NAXD: variants seen among roughly 807,000 people sequenced by gnomAD.
NAXD encodes the protein NAD(P)HX dehydratase.
In NAXD, 22 loss-of-function variants were observed where a neutral mutation model predicts 35.8. The observed-to-expected ratio is 0.62, with a 90% CI of 0.44 to 0.88. The LOEUF is 0.88. Among genes scored for constraint, NAXD ranks in the 40% least tolerant of loss-of-function variants. The pLI is 0.00. For synonymous variants in NAXD, 189 were observed against 177.6 expected, an observed-to-expected ratio of 1.06 and a Z score of -0.51; for missense variants, 428 against 437.7, an observed-to-expected ratio of 0.98 and a Z score of 0.20.
chr13:110,629,598 T>A (rs1380897792), intron 5 of NAXD, among the ~76,000 whole-genome samples: 2 of 151,984 alleles, frequency 1.3e-5, no homozygotes, highest in African/African-American at 4.8e-5. Context: ...GTTATGTCAC[T>A]CTGCATAATT....
chr13:110,632,259 C>T lies in NAXD; in HGVS notation c.442-2286C>T, dbSNP rs574016238. Among the ~76,000 whole-genome samples the T allele has an allele frequency of 7.2e-5, 11 of 152,016 alleles. No individual in the cohort carries two copies. The East Asian group carries it at 1.7e-3, about 24-fold the overall frequency. On this transcript the variant is annotated intron_variant, in intron 5 of 9. Coordinates refer to ENST00000680254, the MANE Select transcript of NAXD (RefSeq NM_001242882.2). ...AGTTGTTCGTTCCTCCCGGTGGGCT[C>T]GTGGTCTCGCTGGCTTCAGGAGTGA...
intron 1 of NAXD, among the ~76,000 whole-genome samples, chr13:110,621,168 C>T (rs950315702): frequency 1.3e-5 from 2 of 152,128 alleles, no homozygotes; most frequent in African/African-American, 4.8e-5. Context: ...TGTTGGAATA[C>T]AGTTGGGAGT....
Position 110,627,566 on chromosome 13 carries a change from CACTT to C in NAXD, c.441+20_441+23del. 1 of 1,528,648 alleles carries C rather than the reference CACTT, an allele frequency of 6.5e-7. No homozygotes were observed. The highest frequency in any genetic ancestry group is 2.3e-5 in the East Asian group (1 of 44,432). The allele number at this position is 1,528,648 out of a possible 1,614,324, so 94.7% of individuals were successfully genotyped here. A position where few individuals can be genotyped will look rare whatever the true frequency, so the allele number is the denominator to read the frequency against. ...TGTCCAGGTAATGTGTATACTCACT[CACTT>C]CCCTCATGACAGGCTTAGCCTTAGG... On this transcript the variant is annotated intron_variant, in intron 5 of 9. Coordinates refer to ENST00000680254, the MANE Select transcript of NAXD (RefSeq NM_001242882.2).
intron 5 of NAXD, among the ~76,000 whole-genome samples, chr13:110,632,569 A>G (rs938963843): frequency 1.3e-5 from 2 of 152,042 alleles, no homozygotes; most frequent in African/African-American, 4.8e-5. Flanking sequence ...CCACGTCCCC[A>G]TCAGATTAGT....
chr13:110,632,477 C>T (rs184925764), intron 5 of NAXD, among the ~76,000 whole-genome samples: 1 of 152,310 alleles, frequency 6.6e-6, no homozygotes, highest in Admixed American at 6.5e-5. Flanking sequence ...CCACATCCTG[C>T]TGATTGGTAG....
Position 110,628,759 on chromosome 13 carries a change from T to C in NAXD, c.441+1212T>C, listed in dbSNP as rs1245039722. ...GTCATCCCCGGGGAGAGGCTCTCAA[T>C]GGGGAGTCCCATCTGCAGGCTGCGG... is the stretch of plus-strand genomic sequence containing the variant. On this transcript the variant is annotated intron_variant, in intron 5 of 9. Coordinates refer to ENST00000680254, the MANE Select transcript of NAXD (RefSeq NM_001242882.2). This position sits in a 1 kb window ranked among gnomAD's most constrained non-coding sequence, Gnocchi z 4.1. 6.6e-6 allele frequency among the ~76,000 whole-genome samples: 1 copy of C among 152,070 alleles called. No homozygotes were observed. Among genetic ancestry groups the C allele is most frequent in the Non-Finnish European group, 1.5e-5 (1 of 67,998 alleles).
At chr13:110,630,981 G>A (rs1436603710) in intron 5 of NAXD, among the ~76,000 whole-genome samples, 1 of 152,168 alleles carries the variant, frequency 6.6e-6, no homozygotes, top group African/African-American at 2.4e-5. Flanking sequence ...TGGCTCTCCT[G>A]GGTCCCATGC....
intron 2 of NAXD, among the ~76,000 whole-genome samples, 182 bp from the exon 3 acceptor site, chr13:110,624,052 T>C (rs937131252): frequency 6.6e-6 from 1 of 152,190 alleles, no homozygotes; most frequent in Non-Finnish European, 1.5e-5. Flanking sequence ...TTCATGTTCA[T>C]TGAACATTTG....
chr13:110,617,344 C>G (rs1377311307), intron 1 of NAXD, among the ~76,000 whole-genome samples: 3 of 152,212 alleles, frequency 2.0e-5, no homozygotes, highest in East Asian at 1.9e-4. Context: ...ACCTGTTCTT[C>G]CAGACTCAGA....
At chr13:110,615,498 C>A, upstream of NAXD, 3 of 1,150,008 alleles carry the variant, frequency 2.6e-6, no homozygotes, top group Non-Finnish European at 3.4e-6. Context: ...TGGGATCCCA[C>A]TGCCGACAGC....
chr13:110,622,516 T>A (rs1007134566), intron 2 of NAXD, 150 bp downstream of exon 2: 50 of 724,028 alleles, frequency 6.9e-5, no homozygotes, highest in Non-Finnish European at 1.0e-4. Flanking sequence ...GTGATCCACT[T>A]TTTGATTAAC....
In NAXD at chr13:110,635,597, C is replaced by G. The variant is rs755044217; in HGVS notation, c.718+9C>G. ...CTCCAACGGCCAGCAGGGTGAGTGGCGGCTGCCCTCTGTGCATGGGCCAGT... is the reference window on the plus strand; with the variant it reads ...CTCCAACGGCCAGCAGGGTGAGTGGGGGCTGCCCTCTGTGCATGGGCCAGT... On this transcript the variant is annotated intron_variant, in intron 8 of 9. Coordinates refer to ENST00000680254, the MANE Select transcript of NAXD (RefSeq NM_001242882.2). 1.5e-5 allele frequency: 24 copies of G among 1,613,226 alleles called. No individual in the cohort carries two copies. Among genetic ancestry groups the G allele is most frequent in the Non-Finnish European group, 1.9e-5 (23 of 1,179,820 alleles).
rs753279814 is a variant in NAXD at position 110,634,601 on chromosome 13, T to C, written c.492+6T>C. On this transcript the variant is annotated splice_donor_region_variant and intron_variant, in intron 6 of 9. Coordinates refer to ENST00000680254, the MANE Select transcript of NAXD (RefSeq NM_001242882.2). ...TCCCTGTTGTCATCGACGCGGTGAG[T>C]TGACTTCTCTCCTCCTGGCTCGGAC... 1.2e-6 allele frequency: 2 copies of C among 1,614,104 alleles called. No individual in the cohort carries two copies. Among genetic ancestry groups the C allele is most frequent in the East Asian group, 4.5e-5 (2 of 44,866 alleles).
chr13:110,626,375 G>GGTGGAAACGGGCTTGGGTGGGATGAA (rs1886484022), intron 4 of NAXD, among the ~76,000 whole-genome samples: 1 of 152,170 alleles, frequency 6.6e-6, no homozygotes, highest in African/African-American at 2.4e-5. Context: ...CACTCCATGT[G>GGTGGAAACGGGCTTGGGTGGGATGAA]GTGGAAACGG....
intron 5 of NAXD, among the ~76,000 whole-genome samples, chr13:110,631,442 G>C (rs147504175): frequency 9.2e-5 from 14 of 152,310 alleles, no homozygotes; most frequent in African/African-American, 3.4e-4. Context: ...GATGCCCCCA[G>C]ATTTCTCCCT....
intron 3 of NAXD, 39 bp from the exon 4 acceptor site, chr13:110,625,151 G>C (rs753560018): frequency 6.6e-7 from 1 of 1,506,978 alleles, no homozygotes; most frequent in Non-Finnish European, 9.2e-7. Context: ...AGCGATGCCG[G>C]AGCGATCCCT....
At chr13:110,627,042 C>T (rs764277337) in intron 4 of NAXD, among the ~76,000 whole-genome samples, 2 of 152,176 alleles carry the variant, frequency 1.3e-5, no homozygotes, top group Admixed American at 1.3e-4. Context: ...CTGTTGAAAG[C>T]TAGGCATGTA....
chr13:110,626,921 A>T (rs1326611399), intron 4 of NAXD, among the ~76,000 whole-genome samples: 1 of 152,256 alleles, frequency 6.6e-6, no homozygotes, highest in Non-Finnish European at 1.5e-5. Context: ...CTATAAGCAC[A>T]CAAAGTAGGC....
intron 5 of NAXD, among the ~76,000 whole-genome samples, chr13:110,632,655 C>T (rs1002340042): frequency 7.2e-5 from 11 of 152,114 alleles, no homozygotes; most frequent in South Asian, 4.2e-4. Context: ...GATAGGTGCA[C>T]TCACAAACCC....
Sources: gnomAD v4.1 joint callset for allele counts (sites outside exome capture counted in the v4.1 genomes callset) on GRCh38, gnomAD v4.1.1 for gene constraint, Gnocchi (gnomAD v3.1) non-coding constraint, MANE v1.5 for transcripts, NCBI Gene and HGNC (gene_info 2026-07-23, HGNC 2026-07-21) for gene names.